Variants in CDKAL1 observed in about 807,000 individuals in gnomAD.
The protein encoded by CDKAL1 is threonylcarbamoyladenosine tRNA methylthiotransferase.
Under a neutral mutation model 68.2 loss-of-function variants are expected in CDKAL1, and 32 were observed. That is an observed-to-expected ratio of 0.47 (90% CI 0.35 to 0.63). The LOEUF is 0.63. Ranked by LOEUF, CDKAL1 falls within the 30% of genes least tolerant of loss-of-function variation. The pLI is 0.00. For synonymous variants in CDKAL1, 234 were observed against 244.3 expected (o/e 0.96, Z 0.39); for missense variants, 606 against 696.7 (o/e 0.87, Z 1.47).
At chr6:21,047,094 GT>G (rs201348924) in intron 11 of CDKAL1, among the ~76,000 whole-genome samples, 222 of 145,738 alleles carry the variant, frequency 1.5e-3, no homozygotes, top group East Asian at 4.4e-3. Flanking sequence ...GATTTTTTGT[GT>G]TTTTTTTTTT....
At chr6:20,943,721 G>T (rs1764101754) in intron 9 of CDKAL1, among the ~76,000 whole-genome samples, 1 of 150,604 alleles carries the variant, frequency 6.6e-6, no homozygotes. Context: ...CTGGTTTTAT[G>T]TCCTCGCCTG....
chr6:21,045,645 T>C (rs1308032625), intron 11 of CDKAL1, among the ~76,000 whole-genome samples: 8 of 152,170 alleles, frequency 5.3e-5, no homozygotes. Context: ...AAACAGTAAA[T>C]GCATAAGTAA....
intron 8 of CDKAL1, among the ~76,000 whole-genome samples, chr6:20,800,137 A>G (rs192233262): frequency 9.4e-5 from 13 of 138,526 alleles, no homozygotes; most frequent in Admixed American, 4.5e-4. Context: ...CAGCATATAC[A>G]TGCTCAGCAG....
intron 14 of CDKAL1, among the ~76,000 whole-genome samples, chr6:21,200,282 T>G (rs758041537): frequency 1.3e-5 from 2 of 152,218 alleles, no homozygotes; most frequent in South Asian, 4.1e-4. Flanking sequence ...GACAGTTTCC[T>G]GTGAACAAGC....
At chr6:20,914,787 C>T (rs1056792540) in intron 9 of CDKAL1, among the ~76,000 whole-genome samples, 5 of 152,164 alleles carry the variant, frequency 3.3e-5, no homozygotes, top group Admixed American at 6.5e-5. Flanking sequence ...CTGTAGTAAA[C>T]ATTTGAAATT....
intron 13 of CDKAL1, among the ~76,000 whole-genome samples, chr6:21,111,140 C>T (rs1774101087): frequency 6.6e-6 from 1 of 152,054 alleles, no homozygotes; most frequent in Admixed American, 6.5e-5. Flanking sequence ...TAGAAAGATA[C>T]AAAAAGTAAA....
At chr6:20,542,898 A>G (rs548630024) in intron 2 of CDKAL1, among the ~76,000 whole-genome samples, 1 of 152,346 alleles carries the variant, frequency 6.6e-6, no homozygotes, top group Non-Finnish European at 1.5e-5. Flanking sequence ...CAAGCATGTT[A>G]TATAAAAGTG....
chr6:21,023,960 A>G (rs1768818915), intron 11 of CDKAL1, among the ~76,000 whole-genome samples: 1 of 152,192 alleles, frequency 6.6e-6, no homozygotes, highest in South Asian at 2.1e-4. Flanking sequence ...ATGAGGGGAA[A>G]CTGTCCTTGG....
At chr6:20,540,218 C>T (rs976625087) in intron 2 of CDKAL1, among the ~76,000 whole-genome samples, 4 of 151,212 alleles carry the variant, frequency 2.6e-5, no homozygotes, top group African/African-American at 4.9e-5. Context: ...GGGTTACAGG[C>T]GCTCGCCACT....
At chr6:20,952,000 C>T (rs1764553410) in intron 9 of CDKAL1, among the ~76,000 whole-genome samples, 1 of 147,006 alleles carries the variant, frequency 6.8e-6, no homozygotes, top group Admixed American at 6.9e-5. Context: ...GCTCTGTCGC[C>T]CAGGCTGGAG....
At chr6:20,899,521 G>A (rs1761863816) in intron 9 of CDKAL1, among the ~76,000 whole-genome samples, 1 of 152,178 alleles carries the variant, frequency 6.6e-6, no homozygotes, top group Admixed American at 6.5e-5. Context: ...CTGGTACAAT[G>A]CTAAGCAATT....
intron 6 of CDKAL1, chr6:20,756,911 C>T (rs6934147): frequency 7.9e-6 from 1 of 126,490 alleles, no homozygotes; most frequent in East Asian, 2.3e-4. Context: ...TTCCTTCCTT[C>T]CTTCCTTCCT....
At chr6:20,730,543 A>G (rs960322141) in intron 5 of CDKAL1, among the ~76,000 whole-genome samples, 14 of 152,036 alleles carry the variant, frequency 9.2e-5, no homozygotes, top group Non-Finnish European at 1.5e-4. Flanking sequence ...ACAGGTGAGA[A>G]GTACTGTGAA....
chr6:20,730,737 C>T (rs183396033), intron 5 of CDKAL1, among the ~76,000 whole-genome samples: 20 of 149,366 alleles, frequency 1.3e-4, no homozygotes, highest in African/African-American at 4.2e-4. Flanking sequence ...CCCAGCTACT[C>T]GGGAGGCTGA....
intron 10 of CDKAL1, among the ~76,000 whole-genome samples, chr6:20,963,088 A>T (rs1765134119): frequency 6.6e-6 from 1 of 152,180 alleles, no homozygotes; most frequent in East Asian, 1.9e-4. Context: ...CTTCATTGGG[A>T]ACCTAATTCT....
At chr6:20,625,871 C>T (rs1767407335) in intron 4 of CDKAL1, among the ~76,000 whole-genome samples, 1 of 152,082 alleles carries the variant, frequency 6.6e-6, no homozygotes, top group Non-Finnish European at 1.5e-5. Context: ...ACCCCTTTGA[C>T]CAATTTTAAC....
intron 12 of CDKAL1, among the ~76,000 whole-genome samples, chr6:21,094,640 T>C (rs1332739154): frequency 6.6e-6 from 1 of 152,200 alleles, no homozygotes; most frequent in Non-Finnish European, 1.5e-5. Flanking sequence ...ACTTCTAAAT[T>C]GCCGAGGAAT....
chr6:21,135,648 T>C (rs1775554477), intron 13 of CDKAL1: 5 of 970,440 alleles, frequency 5.2e-6, no homozygotes, highest in South Asian at 4.8e-5. Flanking sequence ...TCCAGCAACA[T>C]AGAAACTATT....
At chr6:20,717,886 G>A (rs558484525) in intron 5 of CDKAL1, among the ~76,000 whole-genome samples, 20 of 152,264 alleles carry the variant, frequency 1.3e-4, no homozygotes, top group African/African-American at 4.1e-4. Flanking sequence ...ATCAGGCACA[G>A]TAGAGAAGGA....
Sources: gnomAD v4.1 joint callset for allele counts (sites outside exome capture counted in the v4.1 genomes callset) on GRCh38, gnomAD v4.1.1 for gene constraint, MANE v1.5 for transcripts, NCBI Gene and HGNC (gene_info 2026-07-23, HGNC 2026-07-21) for gene names.